The following IL17REL variants were observed in gnomAD, a reference collection of about 807,000 sequenced individuals.
The protein encoded by IL17REL is interleukin-17 receptor E-like protein.
A neutral mutation model predicts 49.0 loss-of-function variants in IL17REL; 36 were observed. That is an observed-to-expected ratio of 0.73 (90% CI 0.56 to 0.97). The LOEUF (loss-of-function observed/expected upper bound fraction) is 0.97, where lower values mean the gene tolerates loss of function less well. Ranked by LOEUF, IL17REL falls within the 50% of genes least tolerant of loss-of-function variation. IL17REL has a pLI of 0.00. For missense variants in IL17REL, 470 were observed against 453.9 expected (o/e 1.04, Z -0.32); for synonymous variants, 206 against 192.4 (o/e 1.07, Z -0.58).
At chr22:50,000,555 G>A in exon 4 of IL17REL, 1 of 1,613,540 alleles carries the variant, frequency 6.2e-7, no homozygotes, top group Non-Finnish European at 8.5e-7. Flanking sequence ...GAGGTGCTGG[G>A]CCACGCTCAC....
upstream of IL17REL, among the ~76,000 whole-genome samples, chr22:50,009,696 G>C (rs2061128285): frequency 6.6e-6 from 1 of 152,178 alleles, no homozygotes; most frequent in Non-Finnish European, 1.5e-5. Flanking sequence ...TCTGCTCCTA[G>C]CCCAGGTGGG....
intron 1 of IL17REL, among the ~76,000 whole-genome samples, chr22:50,003,282 A>G (rs1019925800): frequency 6.6e-6 from 1 of 151,798 alleles, no homozygotes; most frequent in African/African-American, 2.4e-5. Flanking sequence ...AGCACTTTGG[A>G]AGGCCAAGGC....
At chr22:49,994,413 CT>C (rs1486310283), downstream of IL17REL, 1 of 152,348 alleles carries the variant, frequency 6.6e-6, no homozygotes, top group East Asian at 1.9e-4. Context: ...CCTCCCACGC[CT>C]TTGGGGTGCT....
At chr22:50,008,233 C>T (rs1043682361) in intron 1 of IL17REL, among the ~76,000 whole-genome samples, 5 of 152,198 alleles carry the variant, frequency 3.3e-5, no homozygotes, top group African/African-American at 4.8e-5. Flanking sequence ...ACTCAGAGTC[C>T]TTTTATAAAT....
chr22:49,998,192 C>T (rs1158155487), exon 8 of IL17REL: 5 of 1,611,376 alleles, frequency 3.1e-6, no homozygotes, highest in Admixed American at 1.7e-5. Flanking sequence ...GGCCCCCGGC[C>T]CCGGGCGCCA....
chr22:49,999,394 C>T (rs911423631), intron 6 of IL17REL, 37 bp downstream of exon 8: 5 of 1,612,772 alleles, frequency 3.1e-6, no homozygotes, highest in Middle Eastern at 1.7e-4. Context: ...CTGTGCTCCC[C>T]TCACCCGCCC....
upstream of IL17REL, among the ~76,000 whole-genome samples, chr22:50,012,085 G>C (rs1245458357): frequency 6.6e-6 from 1 of 152,176 alleles, no homozygotes; most frequent in Non-Finnish European, 1.5e-5. Flanking sequence ...AAGGCTGAGT[G>C]AGTGGGCTGT....
chr22:50,009,301 C>T (rs773398643), upstream of IL17REL, among the ~76,000 whole-genome samples: 23 of 152,250 alleles, frequency 1.5e-4, no homozygotes, highest in Non-Finnish European at 2.8e-4. Flanking sequence ...TGATCATCCC[C>T]AGCCCAACCT....
chr22:49,992,916 C>G (rs2061013188), downstream of IL17REL, among the ~76,000 whole-genome samples: 1 of 152,182 alleles, frequency 6.6e-6, no homozygotes, highest in Non-Finnish European at 1.5e-5. Context: ...CGTGCCCAGA[C>G]CCACCCTATT....
At chr22:50,010,090 A>T (rs36007448), upstream of IL17REL, among the ~76,000 whole-genome samples, 1 of 150,012 alleles carries the variant, frequency 6.7e-6, no homozygotes, top group African/African-American at 2.5e-5. Context: ...TTCTCACCCC[A>T]CCGTCTCTAC....
intron 1 of IL17REL, among the ~76,000 whole-genome samples, chr22:50,002,101 C>T (rs1392458525): frequency 6.6e-6 from 1 of 152,206 alleles, no homozygotes; most frequent in African/African-American, 2.4e-5. Context: ...CCACAGCCTC[C>T]CTCCTGTGAT....
intron 2 of IL17REL, 67 bp from the exon 4 acceptor site, chr22:50,000,930 T>A (rs1230404962): frequency 7.5e-7 from 1 of 1,328,106 alleles, no homozygotes; most frequent in Non-Finnish European, 1.0e-6. Context: ...GACGGGGCCG[T>A]GGGACCCTGT....
exon 12 of IL17REL, chr22:49,997,000 G>A: frequency 6.6e-7 from 1 of 1,515,690 alleles, no homozygotes; most frequent in Non-Finnish European, 8.9e-7. Context: ...CCACCTGGAT[G>A]CAGATGCCTG....
exon 13 of IL17REL, chr22:49,996,777 G>A (rs1049202701): frequency 4.1e-6 from 2 of 493,740 alleles, no homozygotes; most frequent in East Asian, 7.0e-5. Context: ...TCGGCCTCCT[G>A]CGGCCCCTGA....
chr22:49,994,063 C>T (rs1397759807), downstream of IL17REL, among the ~76,000 whole-genome samples: 2 of 149,512 alleles, frequency 1.3e-5, no homozygotes, highest in African/African-American at 2.4e-5. Context: ...CAGCCTGTAT[C>T]CCCCCATTCC....
rs549033796 is a variant in IL17REL, at chr22:49,997,278, AC to A, written c.974+41del. The A allele has an allele frequency of 1.4e-4, 227 of 1,583,674 alleles. No individual in the cohort carries two copies. In the African/African-American group the frequency reaches 2.8e-3, roughly 19 times the overall value. ...GAAGTGATGGGGTCCTGCCGCCACCACCCCCACCTCCCCAGGATGGAGCCCC... is the reference window on the plus strand; with the variant it reads ...GAAGTGATGGGGTCCTGCCGCCACCACCCCACCTCCCCAGGATGGAGCCCC... On this transcript the variant is annotated intron_variant, in intron 11 of 12. Coordinates refer to ENST00000341280, the Ensembl canonical transcript of IL17REL.
Position 49,999,279 on chromosome 22 carries a change from C to A in IL17REL, c.601+12G>T. The A allele has an allele frequency of 6.2e-7, 1 of 1,613,032 alleles. No homozygotes were observed. Among genetic ancestry groups the A allele is most frequent in the Non-Finnish European group, 8.5e-7 (1 of 1,180,006 alleles). On this transcript the variant is annotated intron_variant, in intron 7 of 12. Coordinates refer to ENST00000341280, the Ensembl canonical transcript of IL17REL. ...CCCACCCTTCCGCCCGTTGGCATCG[C>A]AGGACACTTGCCGTTTTCAAAGGGG...
upstream of IL17REL, among the ~76,000 whole-genome samples, chr22:50,010,217 C>A (rs563367797): frequency 6.6e-6 from 1 of 152,374 alleles, no homozygotes; most frequent in South Asian, 2.1e-4. Flanking sequence ...GACCCAGCGT[C>A]CTGATGGAAG....
At chr22:49,997,104 T>C (rs2061040034) in intron 11 of IL17REL, 30 bp from the exon 14 acceptor site, 4 of 1,567,542 alleles carry the variant, frequency 2.6e-6, no homozygotes, top group Middle Eastern at 1.7e-4. Context: ...TCACAGGCAA[T>C]GGGAGGAAGG....
Sources: allele counts gnomAD v4.1 joint callset (sites outside exome capture counted in the v4.1 genomes callset), GRCh38; gene constraint gnomAD v4.1.1; transcripts MANE v1.5; gene names NCBI Gene and HGNC (gene_info 2026-07-23, HGNC 2026-07-21).